IMMP2L: variants seen among roughly 807,000 people sequenced by gnomAD.
IMMP2L encodes the protein mitochondrial inner membrane protease subunit 2.
Under a neutral mutation model 19.3 loss-of-function variants are expected in IMMP2L, and 18 were observed. The ratio of observed to expected loss-of-function variants is 0.93; its 90% CI spans 0.64 to 1.38. The LOEUF (loss-of-function observed/expected upper bound fraction) is 1.38. Among genes scored for constraint, IMMP2L ranks in the 40% most tolerant of loss-of-function variants. The pLI is 0.00. For missense variants in IMMP2L, 233 were observed against 218.2 expected, an observed-to-expected ratio of 1.07 and a Z score of -0.43; for synonymous variants, 76 against 73.0, an observed-to-expected ratio of 1.04 and a Z score of -0.21.
At chr7:110,933,607 C>T (rs1256922150) in intron 4 of IMMP2L, among the ~76,000 whole-genome samples, 1 of 152,150 alleles carries the variant, frequency 6.6e-6, no homozygotes, top group Admixed American at 6.5e-5. Flanking sequence ...TTATGCGTTT[C>T]ATCATTGATG....
intron 5 of IMMP2L, among the ~76,000 whole-genome samples, chr7:110,729,880 CA>C (rs1012209390): frequency 7.2e-4 from 109 of 151,860 alleles, no homozygotes; most frequent in African/African-American, 2.4e-3. Flanking sequence ...ACCTATGTAA[CA>C]AACCTGCACA....
At chr7:111,282,828 C>A (rs940833808) in intron 3 of IMMP2L, among the ~76,000 whole-genome samples, 2 of 152,138 alleles carry the variant, frequency 1.3e-5, no homozygotes, top group African/African-American at 4.8e-5. Flanking sequence ...ATATGATTCA[C>A]CCCCTCGGCC....
chr7:110,904,428 G>A (rs1230016545), intron 4 of IMMP2L, among the ~76,000 whole-genome samples: 1 of 152,080 alleles, frequency 6.6e-6, no homozygotes, highest in Non-Finnish European at 1.5e-5. Flanking sequence ...TGACTTTTGT[G>A]TATGGTACAA....
chr7:111,078,807 T>C (rs1029662434), intron 3 of IMMP2L, among the ~76,000 whole-genome samples: 1 of 152,180 alleles, frequency 6.6e-6, no homozygotes, highest in Admixed American at 6.5e-5. Context: ...CTCAGCTCAC[T>C]GCAACCTCCA....
At chr7:110,761,960 CGTACCT>C in intron 5 of IMMP2L, among the ~76,000 whole-genome samples, 1 of 152,244 alleles carries the variant, frequency 6.6e-6, no homozygotes, top group South Asian at 2.1e-4. Flanking sequence ...ACACGGGGTC[CGTACCT>C]CTGCCCCTGT....
intron 4 of IMMP2L, among the ~76,000 whole-genome samples, chr7:110,961,540 G>A (rs1246297943): frequency 6.6e-6 from 1 of 151,012 alleles, no homozygotes; most frequent in Non-Finnish European, 1.5e-5. Context: ...CATGGATACA[G>A]AGGGCCAACT....
intron 3 of IMMP2L, among the ~76,000 whole-genome samples, chr7:111,016,527 ATATAT>A (rs1229123266): frequency 2.5e-5 from 3 of 121,774 alleles, no homozygotes; most frequent in South Asian, 2.3e-4. Context: ...TTATATATGT[ATATAT>A]TATATATTAT....
chr7:111,276,363 G>T (rs1283012317), intron 3 of IMMP2L, among the ~76,000 whole-genome samples: 1 of 152,016 alleles, frequency 6.6e-6, no homozygotes, highest in African/African-American at 2.4e-5. Context: ...ATTTTGTTGA[G>T]GATTTTGTGT....
chr7:111,516,754 T>TA (rs1386899937), intron 2 of IMMP2L, among the ~76,000 whole-genome samples: 1 of 151,922 alleles, frequency 6.6e-6, no homozygotes, highest in Non-Finnish European at 1.5e-5. Flanking sequence ...TCCTAAGGGG[T>TA]AAAACATCAG....
rs201441108 is a variant in IMMP2L at position 110,981,568 on chromosome 7, G to GA, written c.240-18004dup. On this transcript the variant is annotated intron_variant, in intron 3 of 5. Coordinates refer to ENST00000405709, the MANE Select transcript of IMMP2L (RefSeq NM_032549.4). ...AAAAAAAACCTAGTACTTTTTATTT[G>GA]AAAAAAAAAAAGATTGAAGTGATAA... 1.0e-3 allele frequency among the ~76,000 whole-genome samples: 149 copies of GA among 142,766 alleles called. 1 individual carries two copies. Among genetic ancestry groups the GA allele is most frequent in the East Asian group, 8.5e-3 (42 of 4,942 alleles). The allele number at this position is 142,766 out of a possible 152,430, so 93.7% of individuals were successfully genotyped here.
chr7:110,759,917 T>G (rs559484254), intron 5 of IMMP2L, among the ~76,000 whole-genome samples: 39 of 152,104 alleles, frequency 2.6e-4, no homozygotes, highest in Non-Finnish European at 5.1e-4. Flanking sequence ...ACCCAGTTAC[T>G]CCTTTTACCC....
chr7:111,205,469 A>G (rs577007689), intron 3 of IMMP2L, among the ~76,000 whole-genome samples: 1 of 152,282 alleles, frequency 6.6e-6, no homozygotes, highest in South Asian at 2.1e-4. Flanking sequence ...CCAATTTCCT[A>G]ACTCCTCAGG....
chr7:110,863,916 T>G (rs2129543087), intron 5 of IMMP2L, among the ~76,000 whole-genome samples: 1 of 152,172 alleles, frequency 6.6e-6, no homozygotes, highest in Admixed American at 6.6e-5. Context: ...TGCAGACATA[T>G]TCTCTTCCCA....
At chr7:110,963,313 T>A (rs1010850872) in intron 4 of IMMP2L, among the ~76,000 whole-genome samples, 187 bp downstream of exon 4, 1 of 151,990 alleles carries the variant, frequency 6.6e-6, no homozygotes, top group Non-Finnish European at 1.5e-5. Flanking sequence ...AACAATATGA[T>A]CAGTAAGTTT....
intron 4 of IMMP2L, among the ~76,000 whole-genome samples, chr7:110,938,757 T>G (rs552385982): frequency 2.0e-5 from 3 of 152,252 alleles, no homozygotes; most frequent in South Asian, 4.2e-4. Flanking sequence ...ATAGTTGCTC[T>G]TTTTTTAATG....
chr7:111,477,667 G>A (rs1841834413), intron 3 of IMMP2L, among the ~76,000 whole-genome samples: 2 of 152,032 alleles, frequency 1.3e-5, no homozygotes, highest in Non-Finnish European at 2.9e-5. Context: ...GGGAGGCCGA[G>A]GCAGGCAGAT....
intron 1 of IMMP2L, among the ~76,000 whole-genome samples, chr7:111,527,503 C>T (rs1485400467): frequency 6.6e-6 from 1 of 151,206 alleles, no homozygotes; most frequent in African/African-American, 2.4e-5. Flanking sequence ...TGTCTTTTAA[C>T]TGTTTCTTAA....
chr7:111,319,929 C>T (rs912898717), intron 3 of IMMP2L, among the ~76,000 whole-genome samples: 1 of 151,902 alleles, frequency 6.6e-6, no homozygotes, highest in Non-Finnish European at 1.5e-5. Context: ...CTATTTTTCT[C>T]TTTTATTTTT....
At chr7:110,880,533 C>T (rs745947522) in intron 5 of IMMP2L, among the ~76,000 whole-genome samples, 38 of 151,886 alleles carry the variant, frequency 2.5e-4, no homozygotes, top group Non-Finnish European at 4.7e-4. Context: ...GTAAATGAGG[C>T]AATTTAATCT....
Sources: allele counts gnomAD v4.1 joint callset (sites outside exome capture counted in the v4.1 genomes callset), GRCh38; gene constraint gnomAD v4.1.1; transcripts MANE v1.5; gene names NCBI Gene and HGNC (gene_info 2026-07-23, HGNC 2026-07-21).